Variants in LDLRAD4 observed in about 807,000 individuals in gnomAD.
LDLRAD4 encodes the protein low-density lipoprotein receptor class A domain-containing protein 4.
In LDLRAD4, 5 loss-of-function variants were observed where a neutral mutation model predicts 17.0. The observed-to-expected ratio is 0.29, with a 90% CI of 0.15 to 0.62. The LOEUF is 0.62. Among genes scored for constraint, LDLRAD4 ranks in the 20% least tolerant of loss-of-function variants. LDLRAD4 has a pLI of 0.84. For missense variants in LDLRAD4, 340 were observed against 424.7 expected (o/e 0.80, Z 1.75); for synonymous variants, 168 against 171.8 (o/e 0.98, Z 0.17).
At chr18:13,240,828 G>C (rs570052742) in intron 1 of LDLRAD4, 1 of 152,184 alleles carries the variant, frequency 6.6e-6, no homozygotes, top group Non-Finnish European at 1.5e-5. Context: ...TAAATGAGAC[G>C]GCAGCTTTGG....
intron 3 of LDLRAD4, among the ~76,000 whole-genome samples, chr18:13,596,983 T>C (rs2095103693): frequency 1.3e-5 from 2 of 152,224 alleles, no homozygotes; most frequent in Admixed American, 6.5e-5. Context: ...ATTTACACTA[T>C]CTTTTATCAT....
chr18:13,262,055 C>T (rs1418149573), intron 1 of LDLRAD4, among the ~76,000 whole-genome samples: 16 of 113,806 alleles, frequency 1.4e-4, no homozygotes, highest in African/African-American at 3.8e-4. Flanking sequence ...AACTGAGTCC[C>T]GTGCGGCTCT....
At chr18:13,414,723 G>C (rs2088710760) in intron 2 of LDLRAD4, among the ~76,000 whole-genome samples, 1 of 152,236 alleles carries the variant, frequency 6.6e-6, no homozygotes, top group African/African-American at 2.4e-5. Flanking sequence ...CAGCAGGAAA[G>C]GGTGGGGAGC....
chr18:13,311,566 G>A (rs894215017), intron 1 of LDLRAD4, among the ~76,000 whole-genome samples: 3 of 152,180 alleles, frequency 2.0e-5, no homozygotes, highest in East Asian at 1.9e-4. Context: ...GCTGGTTGTC[G>A]CCATGTTCTC....
At chr18:13,648,753 T>C (rs535937639) in exon 6 of LDLRAD4, 1 of 152,162 alleles carries the variant, frequency 6.6e-6, no homozygotes, top group South Asian at 2.1e-4. Context: ...GGAAGAACAT[T>C]TGGTGGGAAT....
chr18:13,219,037 A>G (rs930147540), intron 1 of LDLRAD4, 49 bp downstream of exon 1: 4 of 147,840 alleles, frequency 2.7e-5, no homozygotes, highest in East Asian at 2.0e-4. Flanking sequence ...TTAAATCGCT[A>G]TCGTGGCGGA....
intron 3 of LDLRAD4, among the ~76,000 whole-genome samples, chr18:13,445,458 TATGA>T (rs1174107412): frequency 2.0e-5 from 3 of 151,976 alleles, no homozygotes; most frequent in South Asian, 2.1e-4. Context: ...TATGCAGGTG[TATGA>T]ATATGTCCAT....
At chr18:13,648,685 A>C (rs2043110886) in exon 6 of LDLRAD4, 1 of 152,208 alleles carries the variant, frequency 6.6e-6, no homozygotes. Context: ...TGATTTAGGC[A>C]ATCAATGATA....
chr18:13,643,464 G>GGGGGGGGCC, intron 5 of LDLRAD4, 52 bp downstream of exon 6: 1 of 288,988 alleles, frequency 3.5e-6, no homozygotes, highest in Non-Finnish European at 6.5e-6. Context: ...GGTGGGTGGG[G>GGGGGGGGCC]ATGAAGGGGG....
At chr18:13,229,685 C>T (rs2041976217) in intron 1 of LDLRAD4, among the ~76,000 whole-genome samples, 1 of 152,222 alleles carries the variant, frequency 6.6e-6, no homozygotes, top group Non-Finnish European at 1.5e-5. Context: ...GAGGTGGTGG[C>T]TCTGACGCTT....
intron 3 of LDLRAD4, among the ~76,000 whole-genome samples, chr18:13,450,052 G>A (rs1359159171): frequency 1.3e-5 from 2 of 152,202 alleles, no homozygotes; most frequent in African/African-American, 4.8e-5. Flanking sequence ...CATTTGCATA[G>A]GCTTTGGAGA....
chr18:13,318,988 T>TG (rs1460374746), intron 1 of LDLRAD4, among the ~76,000 whole-genome samples: 2 of 152,180 alleles, frequency 1.3e-5, no homozygotes, highest in African/African-American at 4.8e-5. Flanking sequence ...TAAGAATGGA[T>TG]GGGGAGCTCA....
At chr18:13,273,901 A>G (rs1027943568), upstream of LDLRAD4, among the ~76,000 whole-genome samples, 20 of 152,004 alleles carry the variant, frequency 1.3e-4, no homozygotes, top group Non-Finnish European at 2.2e-4. Context: ...TTAGGGGCCC[A>G]TGGCTCACAG....
At chr18:13,327,760 C>T (rs1280789420) in intron 1 of LDLRAD4, among the ~76,000 whole-genome samples, 5 of 152,106 alleles carry the variant, frequency 3.3e-5, no homozygotes, top group Admixed American at 1.3e-4. Context: ...CCCAGAGACC[C>T]ACAGAGCAGG....
chr18:13,380,313 G>A (rs947167062), intron 1 of LDLRAD4, among the ~76,000 whole-genome samples: 5 of 152,322 alleles, frequency 3.3e-5, no homozygotes, highest in African/African-American at 7.2e-5. Context: ...AGGTGTGCAC[G>A]GCTGTCTTCC....
intron 3 of LDLRAD4, among the ~76,000 whole-genome samples, chr18:13,592,209 T>A (rs1488757670): frequency 1.3e-5 from 2 of 152,238 alleles, no homozygotes; most frequent in African/African-American, 2.4e-5. Flanking sequence ...TTTCAACCAG[T>A]GGCTTTCAAA....
chr18:13,289,715 T>TGG (rs1567972179), intron 1 of LDLRAD4, among the ~76,000 whole-genome samples: 1 of 152,152 alleles, frequency 6.6e-6, no homozygotes, highest in Non-Finnish European at 1.5e-5. Context: ...TCCTGAGCCA[T>TGG]TGGGACTGCC....
intron 3 of LDLRAD4, among the ~76,000 whole-genome samples, chr18:13,595,950 A>G (rs987290341): frequency 3.3e-5 from 5 of 152,204 alleles, no homozygotes; most frequent in African/African-American, 9.6e-5. Context: ...TGTTTTATCT[A>G]TTATTGAATG....
intron 3 of LDLRAD4, among the ~76,000 whole-genome samples, chr18:13,445,967 G>A (rs1213874888): frequency 6.6e-6 from 1 of 152,148 alleles, no homozygotes; most frequent in Non-Finnish European, 1.5e-5. Flanking sequence ...GATAATATTG[G>A]TATCTCTTTC....
Sources: allele counts gnomAD v4.1 joint callset (sites outside exome capture counted in the v4.1 genomes callset), GRCh38; gene constraint gnomAD v4.1.1; transcripts MANE v1.5; gene names NCBI Gene and HGNC (gene_info 2026-07-23, HGNC 2026-07-21).